Variants in DHRS2 observed in about 807,000 individuals in gnomAD.
The protein encoded by DHRS2 is dehydrogenase/reductase SDR family member 2, mitochondrial.
DHRS2 carries 29 observed loss-of-function variants against 26.3 expected under a neutral mutation model. That is an observed-to-expected ratio of 1.10 (90% CI 0.82 to 1.50). The LOEUF is 1.50. Among genes scored for constraint, DHRS2 ranks in the 40% most tolerant of loss-of-function variants. The probability of loss-of-function intolerance (pLI) is 0.00; values close to 1 mark genes in which losing one functional copy is unlikely to be tolerated. For missense variants in DHRS2, 439 were observed against 367.1 expected (o/e 1.20, Z -1.60); for synonymous variants, 164 against 151.3 (o/e 1.08, Z -0.62).
At chr14:23,634,356 C>G (rs1417102680), upstream of DHRS2, among the ~76,000 whole-genome samples, 2 of 152,058 alleles carry the variant, frequency 1.3e-5, no homozygotes, top group African/African-American at 4.8e-5. Context: ...CATGAGCCAC[C>G]GTGCCTAGCC....
chr14:23,630,898 T>C (rs927480840), intron 1 of DHRS2, among the ~76,000 whole-genome samples: 36 of 152,166 alleles, frequency 2.4e-4, no homozygotes, highest in Admixed American at 4.6e-4. Flanking sequence ...TAGAAAGATA[T>C]GTTTGTAGTT....
chr14:23,640,041 T>A (rs1890573726), intron 4 of DHRS2, 146 bp downstream of exon 4: 1 of 775,638 alleles, frequency 1.3e-6, no homozygotes, highest in Non-Finnish European at 1.8e-6. Flanking sequence ...CCTGGCCAGC[T>A]GTCTCCCAAA....
rs764383940 is a variant in DHRS2, at chr14:23,638,823, C to T, written c.-38-4C>T. On this transcript the variant is annotated splice_region_variant and splice_polypyrimidine_tract_variant and intron_variant, in intron 1 of 8. Transcript: ENST00000250383. ...TGATAAGTGAAATTGATTCTTTCCCCCAGGCCTGATTCAGCAGGAAGCATC... is the reference window on the plus strand; with the variant it reads ...TGATAAGTGAAATTGATTCTTTCCCTCAGGCCTGATTCAGCAGGAAGCATC... 1 of 1,601,082 alleles carries T rather than the reference C, an allele frequency of 6.2e-7. No homozygotes were observed. The highest frequency in any genetic ancestry group is 1.1e-5 in the South Asian group (1 of 89,338).
In DHRS2 at chr14:23,641,991, TG is replaced by T; in HGVS notation, c.421-1160del. 4.4e-6 allele frequency: 5 copies of T among 1,124,758 alleles called. No homozygotes were observed. The South Asian group carries it at 8.3e-5, about 19-fold the overall frequency. 69.7% of individuals were successfully genotyped at this position (1,124,758 alleles called of 1,614,324 possible). A position where few individuals can be genotyped will look rare whatever the true frequency, so the allele number is the denominator to read the frequency against. On this transcript the variant is annotated intron_variant, in intron 4 of 8. Transcript: ENST00000250383. ...TGCCCTAGCTCCCAGGCTCCGCCTC[TG>T]CATCTTTCCTTGCTACTTCCTCTTT...
At chr14:23,639,492 C>A in intron 3 of DHRS2, 136 bp downstream of exon 3, 2 of 1,299,624 alleles carry the variant, frequency 1.5e-6, no homozygotes, top group Non-Finnish European at 2.0e-6. Flanking sequence ...GCTAACCTCG[C>A]TACCCAGAAG....
rs775450619 is a variant in DHRS2, at chr14:23,639,317, C to T, written c.279C>T (p.His93=). ...EGLSVAGIVC[H]VGKAEDREQL... is the part of the protein sequence containing the mutation. ...TGAGTGTGGCGGGCATTGTGTGCCACGTGGGGAAGGCTGAGGACCGGGAGC... is the reference window on the plus strand; with the variant it reads ...TGAGTGTGGCGGGCATTGTGTGCCATGTGGGGAAGGCTGAGGACCGGGAGC... The change falls in exon 3 of 9, where the codon CAC becomes CAT. Residue 93 remains histidine (H), a synonymous_variant. Coordinates refer to ENST00000250383, the MANE Select transcript of DHRS2 (RefSeq NM_005794.4). 5 of 1,588,862 alleles carry T rather than the reference C, an allele frequency of 3.1e-6. No individual in the cohort carries two copies. Among genetic ancestry groups the T allele is most frequent in the Middle Eastern group, 3.4e-4 (2 of 5,922 alleles).
At position 23,645,212 on chromosome 14, in the gene DHRS2, G is replaced by C. The variant is rs201975802; in HGVS notation, c.802G>C (p.Gly268Arg). The C allele has an allele frequency of 1.2e-6, 2 of 1,614,184 alleles. No individual in the cohort carries two copies. The highest frequency in any genetic ancestry group is 1.7e-6 in the Non-Finnish European group (2 of 1,180,038). ...LCSPDASYVN[G>R]ENIAVAGYST... is the part of the protein sequence containing the mutation. ...CTCTCCAGATGCCAGCTACGTCAACGGGGAGAACATTGCGGTGGCAGGCTA... is the reference window on the plus strand; with the variant it reads ...CTCTCCAGATGCCAGCTACGTCAACCGGGAGAACATTGCGGTGGCAGGCTA... Residue 268 changes from glycine to arginine, a missense_variant, in exon 9 of 9, where the codon GGG (glycine) becomes CGG (arginine). Coordinates refer to ENST00000250383, the MANE Select transcript of DHRS2 (RefSeq NM_005794.4).
chr14:23,644,776 G>T, intron 7 of DHRS2, 51 bp from the exon 8 acceptor site: 1 of 1,602,790 alleles, frequency 6.2e-7, no homozygotes, highest in African/African-American at 1.3e-5. Context: ...CCGGGGCCCT[G>T]CCCATCTTGT....
In DHRS2 at chr14:23,644,829, T is replaced by C. The variant is rs1890810175; in HGVS notation, c.678T>C (p.Phe226=). The C allele has an allele frequency of 1.2e-6, 2 of 1,614,218 alleles. No homozygotes were observed. The highest frequency in any genetic ancestry group is 1.7e-6 in the Non-Finnish European group (2 of 1,180,024). Residue 226 remains phenylalanine (F), a splice_region_variant and synonymous_variant, in exon 8 of 9, where the codon TTT becomes TTC. Transcript: ENST00000250383. ...GIIKTDFSKV[F]HGNESLWKNF... is the part of the protein sequence containing the mutation. ...CTTCATTTCTTCCCTTTGCCCAGTT[T>C]CATGGGAATGAGTCTCTCTGGAAGA...
chr14:23,639,678 T>C (rs1391518579), intron 3 of DHRS2, 116 bp from the exon 4 acceptor site: 61 of 1,177,218 alleles, frequency 5.2e-5, no homozygotes, highest in Non-Finnish European at 6.3e-5. Context: ...GACACCTAGG[T>C]CATTTTCCTT....
chr14:23,633,612 C>A (rs530144802), upstream of DHRS2, among the ~76,000 whole-genome samples: 1 of 152,220 alleles, frequency 6.6e-6, no homozygotes, highest in East Asian at 1.9e-4. Flanking sequence ...GTGTTTCAAG[C>A]CCTGGGCCCC....
At chr14:23,634,056 C>CTTT (rs1890192421), upstream of DHRS2, among the ~76,000 whole-genome samples, 6 of 85,838 alleles carry the variant, frequency 7.0e-5, no homozygotes, top group East Asian at 3.4e-4. Flanking sequence ...TAGTTTGCCC[C>CTTT]TTCTTTTTTT....
At position 23,638,967 on chromosome 14, in the gene DHRS2, G is replaced by T. The variant is rs779809021; in HGVS notation, c.103G>T (p.Ala35Ser). 2 of 1,613,920 alleles carry T rather than the reference G, an allele frequency of 1.2e-6. No homozygotes were observed. Among genetic ancestry groups the T allele is most frequent in the South Asian group, 2.2e-5 (2 of 91,064 alleles). Reference protein sequence around the residue: ...STGIDRKGVLANRVAVVTGST... With the variant: ...STGIDRKGVLSNRVAVVTGST... ...CGGGATAGACAGGAAGGGCGTCCTG[G>T]CTAACCGGGTAGCCGTGGTCACGGG... is the stretch of plus-strand genomic sequence containing the variant. Residue 35 changes from alanine to serine, a missense_variant, in exon 2 of 9, where the codon GCT (alanine) becomes TCT (serine). Transcript: ENST00000250383.
chr14:23,638,699 A>G, intron 1 of DHRS2, 128 bp from the exon 2 acceptor site: 1 of 954,394 alleles, frequency 1.0e-6, no homozygotes, highest in Admixed American at 2.5e-5. Flanking sequence ...TTTGAAATTT[A>G]CCCTAACCAG....
intron 1 of DHRS2, among the ~76,000 whole-genome samples, chr14:23,637,615 C>G (rs1187531463): frequency 6.6e-6 from 1 of 152,082 alleles, no homozygotes; most frequent in Non-Finnish European, 1.5e-5. Flanking sequence ...ATGCTTAGGA[C>G]TCTAACAGGT....
chr14:23,640,204 A>C, intron 4 of DHRS2: 1,963 of 758,292 alleles, frequency 2.6e-3, no homozygotes, highest in Non-Finnish European at 2.9e-3. Context: ...CTCTAGGGAT[A>C]CAGCTGTGAA....
At chr14:23,633,433 C>T (rs1423786898), upstream of DHRS2, among the ~76,000 whole-genome samples, 1 of 152,170 alleles carries the variant, frequency 6.6e-6, no homozygotes, top group Non-Finnish European at 1.5e-5. Flanking sequence ...CTGCTCTCTC[C>T]CAAACACCCT....
rs549363257 is a variant in DHRS2 at position 23,645,473 on chromosome 14, C to T, written c.*220C>T. 61 of 911,538 alleles carry T rather than the reference C, an allele frequency of 6.7e-5. 1 individual carries two copies. The African/African-American group carries it at 9.3e-4, about 14-fold the overall frequency. The allele number at this position is 911,538 out of a possible 1,614,324, so 56.5% of individuals were successfully genotyped here. On this transcript the variant is annotated 3_prime_UTR_variant, in exon 9 of 9. Coordinates refer to ENST00000250383, the MANE Select transcript of DHRS2 (RefSeq NM_005794.4). ...GCTGATCCAATTAACATGTGGGGTT[C>T]TTGGTGTGGGTCTGGGGAGCTGAAG...
rs4147558 is a variant in DHRS2 at position 23,639,327 on chromosome 14, G to A, written c.289G>A (p.Ala97Thr). The A allele has an allele frequency of 1.5e-4, 244 of 1,580,208 alleles. 1 individual carries two copies. In the East Asian group the frequency reaches 5.4e-3, roughly 35 times the overall value. Reference protein sequence around the residue: ...VAGIVCHVGKAEDREQLVAKA... With the variant: ...VAGIVCHVGKTEDREQLVAKA... The stretch of plus-strand genomic sequence containing the variant: ...GGGCATTGTGTGCCACGTGGGGAAG[G>A]CTGAGGACCGGGAGCAGCTGGTGGC... The change falls in exon 3 of 9, where the codon GCT becomes ACT. Residue 97 changes from alanine (A) to threonine (T), a missense_variant. Ala to Thr is a moderately conservative substitution (Grantham distance 58). Transcript: ENST00000250383.
Sources: gnomAD v4.1 joint callset for allele counts (sites outside exome capture counted in the v4.1 genomes callset) on GRCh38, gnomAD v4.1.1 for gene constraint, MANE v1.5 for transcripts, NCBI Gene and HGNC (gene_info 2026-07-23, HGNC 2026-07-21) for gene names.